The following OSBPL10 variants were observed in gnomAD, a reference collection of about 807,000 sequenced individuals.
OSBPL10 encodes oxysterol-binding protein-related protein 10.
Under a neutral mutation model 81.7 loss-of-function variants are expected in OSBPL10, and 49 were observed. The observed-to-expected ratio is 0.60, with a 90% CI of 0.48 to 0.76. OSBPL10 has a LOEUF of 0.76. Ranked by LOEUF, OSBPL10 falls within the 30% of genes least tolerant of loss-of-function variation. The probability of loss-of-function intolerance (pLI) is 0.00; values close to 1 mark genes in which losing one functional copy is unlikely to be tolerated. For missense variants in OSBPL10, 923 were observed against 987.8 expected (o/e 0.93, Z 0.88); for synonymous variants, 419 against 383.6 (o/e 1.09, Z -1.08).
intron 1 of OSBPL10, among the ~76,000 whole-genome samples, chr3:31,912,753 G>A (rs1415137524): frequency 6.6e-6 from 1 of 152,158 alleles, no homozygotes; most frequent in Non-Finnish European, 1.5e-5. Context: ...GACCTTGGAA[G>A]ATACACTACC....
rs35313927 is a variant in OSBPL10 at position 31,970,802 on chromosome 3, C to CT, written c.281+10096dup. Among the ~76,000 whole-genome samples the CT allele has an allele frequency of 2.6e-4, 39 of 152,162 alleles. 1 individual carries two copies. The highest frequency in any genetic ancestry group is 9.4e-4 in the African/African-American group (39 of 41,524). Reference sequence around the variant, plus strand: ...CTTAAGAGCTTCTTCAGAAAGTAGCCTTTTTTTAGCCTAGTCTGTCTTTTA... The same window carrying CT: ...CTTAAGAGCTTCTTCAGAAAGTAGCCTTTTTTTTAGCCTAGTCTGTCTTTTA... On this transcript the variant is annotated intron_variant, in intron 1 of 11. Transcript: ENST00000396556.
intron 3 of OSBPL10, among the ~76,000 whole-genome samples, chr3:31,832,954 G>C (rs1228645100): frequency 6.6e-6 from 1 of 152,202 alleles, no homozygotes; most frequent in African/African-American, 2.4e-5. Context: ...AGCCAGGGTA[G>C]AAATCAGAGT....
chr3:31,765,599 T>C (rs1698171965), intron 4 of OSBPL10, among the ~76,000 whole-genome samples: 1 of 152,194 alleles, frequency 6.6e-6, no homozygotes, highest in African/African-American at 2.4e-5. Flanking sequence ...GGTAAGAAGA[T>C]TGGTCTCAAT....
chr3:31,892,195 C>T (rs1223344317), intron 1 of OSBPL10, among the ~76,000 whole-genome samples: 6 of 151,648 alleles, frequency 4.0e-5, no homozygotes, highest in African/African-American at 7.3e-5. Flanking sequence ...GGAAGGAGCA[C>T]GTGTATGGCC....
At chr3:32,029,592 T>G (rs1435041613) in intron 2 of OSBPL10, among the ~76,000 whole-genome samples, 1 of 152,196 alleles carries the variant, frequency 6.6e-6, no homozygotes, top group Admixed American at 6.5e-5. Context: ...AGTCTCGCAA[T>G]CATGAATCAA....
At chr3:32,008,391 G>A (rs1200478229) in intron 2 of OSBPL10, among the ~76,000 whole-genome samples, 1 of 151,664 alleles carries the variant, frequency 6.6e-6, no homozygotes, top group African/African-American at 2.4e-5. Flanking sequence ...GACATCAAGT[G>A]ATGCACCCGC....
chr3:31,687,923 TA>T (rs1575476580), intron 7 of OSBPL10, among the ~76,000 whole-genome samples: 2 of 140,638 alleles, frequency 1.4e-5, no homozygotes, highest in East Asian at 4.2e-4. Flanking sequence ...ATAATAATAA[TA>T]ATTTTTTTAA....
intron 2 of OSBPL10, among the ~76,000 whole-genome samples, chr3:32,036,278 C>T (rs1456640238): frequency 6.6e-6 from 1 of 152,106 alleles, no homozygotes; most frequent in East Asian, 1.9e-4. Context: ...AAACCTCTGG[C>T]CTTAAGCCAT....
intron 6 of OSBPL10, among the ~76,000 whole-genome samples, chr3:31,706,658 T>C (rs920014253): frequency 2.0e-5 from 3 of 152,182 alleles, no homozygotes; most frequent in African/African-American, 2.4e-5. Flanking sequence ...GGAACATCAA[T>C]GTGGGAGAAA....
rs145097507 is a variant in OSBPL10, at chr3:31,740,857, T to TTATA, written c.940+7049_940+7052dup. 2.1e-4 allele frequency among the ~76,000 whole-genome samples: 28 copies of TTATA among 136,426 alleles called. 4 individuals are homozygous for TTATA. The highest frequency in any genetic ancestry group is 9.4e-4 in the African/African-American group (28 of 29,800). 89.5% of individuals were successfully genotyped at this position (136,426 alleles called of 152,430 possible). A position where few individuals can be genotyped will look rare whatever the true frequency, so the allele number is the denominator to read the frequency against. On this transcript the variant is annotated intron_variant, in intron 5 of 11. Coordinates refer to ENST00000396556, the MANE Select transcript of OSBPL10 (RefSeq NM_017784.5). ...AACTTAATATGACCACTACTAGAATTTATATATATATGTCATATTTCTTCC... is the reference window on the plus strand; with the variant it reads ...AACTTAATATGACCACTACTAGAATTTATATATATATATATGTCATATTTCTTCC...
intron 3 of OSBPL10, among the ~76,000 whole-genome samples, chr3:31,863,753 A>G (rs780748498): frequency 6.6e-6 from 1 of 152,214 alleles, no homozygotes; most frequent in Non-Finnish European, 1.5e-5. Flanking sequence ...CTTGTTACTC[A>G]TGACTGATTT....
rs1699983199 is a variant in OSBPL10, at chr3:31,821,566, C to G, written c.729+8474G>C. On this transcript the variant is annotated intron_variant, in intron 4 of 11. Coordinates refer to ENST00000396556, the MANE Select transcript of OSBPL10 (RefSeq NM_017784.5). Reference sequence around the variant, plus strand: ...CTTTAAAAACATTTGGAAATGACTGCTATTAACTAATTCCACATTAACATT... The same window carrying G: ...CTTTAAAAACATTTGGAAATGACTGGTATTAACTAATTCCACATTAACATT... 3.3e-5 allele frequency among the ~76,000 whole-genome samples: 5 copies of G among 152,282 alleles called. No individual in the cohort carries two copies. In the South Asian group the frequency reaches 1.0e-3, roughly 32 times the overall value.
intron 6 of OSBPL10, chr3:31,718,950 T>C (rs1358964402): frequency 1.3e-5 from 2 of 152,202 alleles, no homozygotes; most frequent in African/African-American, 2.4e-5. Context: ...CTTCACATGG[T>C]GCATTTCTCT....
chr3:31,725,270 G>A (rs1696772002), intron 6 of OSBPL10, among the ~76,000 whole-genome samples: 1 of 152,142 alleles, frequency 6.6e-6, no homozygotes, highest in African/African-American at 2.4e-5. Context: ...CGAACTAATT[G>A]AGGGAGCAGT....
At chr3:31,749,541 C>T (rs1697648879) in intron 4 of OSBPL10, among the ~76,000 whole-genome samples, 1 of 152,222 alleles carries the variant, frequency 6.6e-6, no homozygotes, top group Non-Finnish European at 1.5e-5. Flanking sequence ...ACCTTTTTAG[C>T]TGCTTGCAGT....
intron 4 of OSBPL10, among the ~76,000 whole-genome samples, chr3:31,816,774 G>A (rs1179471308): frequency 2.0e-5 from 3 of 152,140 alleles, no homozygotes; most frequent in Admixed American, 6.5e-5. Context: ...GAGGAGACCC[G>A]TAGCGGGTGA....
intron 7 of OSBPL10, among the ~76,000 whole-genome samples, chr3:31,685,699 A>T (rs542404784): frequency 1.6e-4 from 25 of 152,198 alleles, no homozygotes; most frequent in Non-Finnish European, 3.5e-4. Flanking sequence ...TCCTTTCTGC[A>T]GTCCCTCACT....
In OSBPL10 at chr3:32,024,427, T is replaced by G. The variant is rs183772576; in HGVS notation, n.298+22064A>C. ...CAGTGTATATATCTAGCACTACTTT[T>G]GATCATTTTTTCCTAAGTATTTTGT... On this transcript the variant is annotated intron_variant and non_coding_transcript_variant, in intron 2 of 3. Transcript: ENST00000479173. 1.6e-3 allele frequency among the ~76,000 whole-genome samples: 245 copies of G among 152,210 alleles called. 1 individual carries two copies. Among genetic ancestry groups the G allele is most frequent in the African/African-American group, 5.5e-3 (230 of 41,534 alleles).
intron 7 of OSBPL10, among the ~76,000 whole-genome samples, chr3:31,696,926 T>G (rs948792832): frequency 6.6e-6 from 1 of 152,204 alleles, no homozygotes; most frequent in Admixed American, 6.5e-5. Flanking sequence ...AAGACTGGAT[T>G]TGTGATAGCC....
Sources: gnomAD v4.1 joint callset for allele counts (sites outside exome capture counted in the v4.1 genomes callset) on GRCh38, gnomAD v4.1.1 for gene constraint, MANE v1.5 for transcripts, NCBI Gene and HGNC (gene_info 2026-07-23, HGNC 2026-07-21) for gene names.